NHEJ1: variants seen among roughly 807,000 people sequenced by gnomAD.
The protein encoded by NHEJ1 is non-homologous end joining factor 1, also known as non-homologous end-joining factor 1.
NHEJ1 carries 22 observed loss-of-function variants against 39.4 expected under a neutral mutation model. The ratio of observed to expected loss-of-function variants is 0.56; its 90% CI spans 0.40 to 0.80. The LOEUF (loss-of-function observed/expected upper bound fraction) is 0.80, where lower values mean the gene tolerates loss of function less well. NHEJ1 is among the 30% of genes least tolerant of loss of function. The probability of loss-of-function intolerance (pLI) is 0.00; values close to 1 mark genes in which losing one functional copy is unlikely to be tolerated. For missense variants in NHEJ1, 329 were observed against 357.1 expected (o/e 0.92, Z 0.63); for synonymous variants, 154 against 135.6 (o/e 1.14, Z -0.94).
At chr2:219,077,425 T>C (rs1949024967) in intron 6 of NHEJ1, 61 bp from the exon 7 acceptor site, 4 of 1,265,860 alleles carry the variant, frequency 3.2e-6, no homozygotes, top group Non-Finnish European at 4.6e-6. Flanking sequence ...CAGGAAGATA[T>C]TAGCATTCAC....
rs1948988212 is a variant in NHEJ1, at chr2:219,073,873, T to A, written c.*2508A>T. ...GGAGCAGCCACGAGAATTCGACCCT[T>A]TTATGTGCATGTAGAGTGGGGGTTG... is the stretch of plus-strand genomic sequence containing the variant. On this transcript the variant is annotated 3_prime_UTR_variant, in exon 8 of 8. Coordinates refer to ENST00000356853, the MANE Select transcript of NHEJ1 (RefSeq NM_024782.3). Among the ~76,000 whole-genome samples the A allele has an allele frequency of 6.6e-6, 1 of 152,194 alleles. No individual in the cohort carries two copies. Among genetic ancestry groups the A allele is most frequent in the Non-Finnish European group, 1.5e-5 (1 of 68,032 alleles).
chr2:219,139,975 A>T (rs1344178093), intron 5 of NHEJ1, among the ~76,000 whole-genome samples: 2 of 152,204 alleles, frequency 1.3e-5, no homozygotes, highest in Non-Finnish European at 2.9e-5. Context: ...CACCGCACCC[A>T]GCCTGTTATT....
At chr2:219,103,485 A>G (rs951635503) in intron 5 of NHEJ1, among the ~76,000 whole-genome samples, 1 of 152,134 alleles carries the variant, frequency 6.6e-6, no homozygotes, top group East Asian at 1.9e-4. Context: ...CATGTTGGCC[A>G]GGATGGTCTC....
chr2:219,127,104 G>A (rs1302715100), intron 5 of NHEJ1, among the ~76,000 whole-genome samples: 1 of 152,228 alleles, frequency 6.6e-6, no homozygotes, highest in Non-Finnish European at 1.5e-5. Context: ...CCTAAGGACA[G>A]CAGGAAGCCA....
intron 3 of NHEJ1, among the ~76,000 whole-genome samples, chr2:219,152,769 T>G (rs1329390467): frequency 1.0e-5 from 1 of 96,780 alleles, no homozygotes; most frequent in African/African-American, 3.1e-5. Context: ...CCCCGGGATC[T>G]CTTTCATTTA....
At chr2:219,097,635 T>G (rs187779123) in intron 5 of NHEJ1, among the ~76,000 whole-genome samples, 48 of 152,230 alleles carry the variant, frequency 3.2e-4, no homozygotes, top group African/African-American at 1.1e-3. Flanking sequence ...GAAGTTGCCA[T>G]TAACCAAGGA....
Position 219,115,876 on chromosome 2 carries a change from C to T in NHEJ1, c.588+30804G>A, listed in dbSNP as rs150773193. On this transcript the variant is annotated intron_variant, in intron 5 of 7. Transcript: ENST00000356853. The stretch of plus-strand genomic sequence containing the variant: ...GTGGCTCACACCTGTAATCCCAGCA[C>T]TTTGGGAGGCCGAGGCGGGCAGATC... Among the ~76,000 whole-genome samples the T allele has an allele frequency of 1.4e-3, 213 of 152,274 alleles. 1 individual carries two copies. Among genetic ancestry groups the T allele is most frequent in the African/African-American group, 4.9e-3 (202 of 41,550 alleles).
chr2:219,095,010 G>A (rs1949192921), intron 5 of NHEJ1, among the ~76,000 whole-genome samples: 1 of 152,084 alleles, frequency 6.6e-6, no homozygotes, highest in Non-Finnish European at 1.5e-5. Flanking sequence ...TTTACCCCAG[G>A]TAATAACAAC....
At chr2:219,146,798 G>C (rs1245989152) in intron 4 of NHEJ1, 60 bp from the exon 5 acceptor site, 2 of 1,284,462 alleles carry the variant, frequency 1.6e-6, no homozygotes, top group Non-Finnish European at 2.3e-6. Flanking sequence ...TTTCTTACCT[G>C]ATGGAAAGGG....
intron 5 of NHEJ1, among the ~76,000 whole-genome samples, chr2:219,079,938 CT>C (rs2106321221): frequency 6.6e-6 from 1 of 152,290 alleles, no homozygotes; most frequent in Non-Finnish European, 1.5e-5. Context: ...ACTGTGCTGT[CT>C]ACATAAATGG....
chr2:219,137,649 T>G (rs1949647592), intron 5 of NHEJ1, among the ~76,000 whole-genome samples: 1 of 145,204 alleles, frequency 6.9e-6, no homozygotes, highest in African/African-American at 2.5e-5. Flanking sequence ...GCCCAACATT[T>G]AAGGCCCCCA....
chr2:219,097,572 C>T (rs771979810), intron 5 of NHEJ1, among the ~76,000 whole-genome samples: 11 of 152,160 alleles, frequency 7.2e-5, no homozygotes, highest in African/African-American at 1.9e-4. Context: ...CCATGTGCTC[C>T]GCTATGTCTG....
In NHEJ1 at chr2:219,111,662, CAGAGAG is replaced by C. The variant is rs112679676; in HGVS notation, c.589-33462_589-33457del. On this transcript the variant is annotated intron_variant, in intron 5 of 7. Transcript: ENST00000356853. This position sits in a 1 kb window ranked among gnomAD's most constrained non-coding sequence, Gnocchi z 4.1. Reference sequence around the variant, plus strand: ...ACACACACACACACACACACACACACAGAGAGATACATACAGTCAGTGGGAAAGAAG... The same window carrying C: ...ACACACACACACACACACACACACACATACATACAGTCAGTGGGAAAGAAG... Among the ~76,000 whole-genome samples the C allele has an allele frequency of 1.3e-5, 2 of 148,954 alleles. No individual in the cohort carries two copies. The highest frequency in any genetic ancestry group is 1.5e-5 in the Non-Finnish European group (1 of 66,990).
intron 5 of NHEJ1, among the ~76,000 whole-genome samples, chr2:219,091,277 A>C (rs751632021): frequency 6.6e-6 from 1 of 152,150 alleles, no homozygotes; most frequent in Non-Finnish European, 1.5e-5. Context: ...GCGACTTCTC[A>C]GTTCTTTTTT....
chr2:219,126,275 C>A (rs72951772), intron 5 of NHEJ1, among the ~76,000 whole-genome samples: 19,542 of 152,188 alleles, frequency 0.13, 1,254 homozygotes, highest in East Asian at 0.15. Context: ...AAGCTCTGCA[C>A]TAGAAAGTCA....
At chr2:219,140,142 G>A (rs1949676681) in intron 5 of NHEJ1, among the ~76,000 whole-genome samples, 1 of 152,144 alleles carries the variant, frequency 6.6e-6, no homozygotes, top group Non-Finnish European at 1.5e-5. Context: ...GTGTTAGAGT[G>A]TTAGAAAAAC....
At position 219,072,188 on chromosome 2, in the gene NHEJ1, C is replaced by T. The variant is rs1407580566; in HGVS notation, c.*4193G>A. Among the ~76,000 whole-genome samples, 1 of 152,150 alleles carries T rather than the reference C, an allele frequency of 6.6e-6. No homozygotes were observed. The highest frequency in any genetic ancestry group is 2.4e-5 in the African/African-American group (1 of 41,424). On this transcript the variant is annotated 3_prime_UTR_variant, in exon 8 of 8. Coordinates refer to ENST00000356853, the MANE Select transcript of NHEJ1 (RefSeq NM_024782.3). ...TCTTCTGAGGCCTTGGCCAAGAACA[C>T]AAGGAAAAAACATAGAGCAATGAGC...
intron 5 of NHEJ1, among the ~76,000 whole-genome samples, chr2:219,131,576 T>C (rs1197217413): frequency 6.6e-6 from 1 of 152,268 alleles, no homozygotes; most frequent in African/African-American, 2.4e-5. Context: ...CTTGTTCTAC[T>C]GTATCACTGT....
intron 3 of NHEJ1, among the ~76,000 whole-genome samples, chr2:219,154,042 G>A (rs1462516611): frequency 6.6e-6 from 1 of 152,116 alleles, no homozygotes; most frequent in Non-Finnish European, 1.5e-5. Flanking sequence ...AAAGACTTAG[G>A]TGTCTACTGA....
Sources: allele counts gnomAD v4.1 joint callset (sites outside exome capture counted in the v4.1 genomes callset), GRCh38; gene constraint gnomAD v4.1.1; non-coding constraint Gnocchi (gnomAD v3.1); transcripts MANE v1.5; gene names NCBI Gene and HGNC (gene_info 2026-07-23, HGNC 2026-07-21).